Variants in R3HDM2 observed in about 807,000 individuals in gnomAD.
R3HDM2 encodes the protein R3H domain containing 2.
A neutral mutation model predicts 124.5 loss-of-function variants in R3HDM2; 38 were observed. That is an observed-to-expected ratio of 0.31 (90% CI 0.24 to 0.40). The LOEUF is 0.40. Ranked by LOEUF, R3HDM2 falls within the 10% of genes least tolerant of loss-of-function variation. The pLI is 1.00. For synonymous variants in R3HDM2, 391 were observed against 448.0 expected (o/e 0.87, Z 1.61); for missense variants, 869 against 1,236.9 (o/e 0.70, Z 4.46).
intron 14 of R3HDM2, among the ~76,000 whole-genome samples, chr12:57,272,943 G>A (rs1009456496): frequency 2.0e-5 from 3 of 152,072 alleles, no homozygotes; most frequent in Admixed American, 1.3e-4. Flanking sequence ...AATTCCTGGG[G>A]AGCATGATCA....
At chr12:57,378,103 A>C (rs778469216) in intron 2 of R3HDM2, among the ~76,000 whole-genome samples, 5 of 152,184 alleles carry the variant, frequency 3.3e-5, no homozygotes, top group Admixed American at 1.3e-4. Context: ...TGTCTCAACA[A>C]AAAACAAACA....
intron 12 of R3HDM2, among the ~76,000 whole-genome samples, chr12:57,288,173 T>G (rs2138223903): frequency 6.6e-6 from 1 of 151,804 alleles, no homozygotes; most frequent in Admixed American, 6.6e-5. Context: ...GCCTGGCTAA[T>G]TTTTGTATTT....
At chr12:57,371,405 A>T (rs1340694169) in intron 2 of R3HDM2, among the ~76,000 whole-genome samples, 1 of 152,186 alleles carries the variant, frequency 6.6e-6, no homozygotes, top group African/African-American at 2.4e-5. Flanking sequence ...TGCAAAACAG[A>T]AAAGGTAAGA....
intron 1 of R3HDM2, among the ~76,000 whole-genome samples, chr12:57,406,738 C>T (rs1193638839): frequency 1.3e-5 from 2 of 152,150 alleles, no homozygotes; most frequent in East Asian, 3.8e-4. Flanking sequence ...GTATACAACA[C>T]TGCATAAAGC....
At chr12:57,381,738 T>A (rs972257500) in intron 2 of R3HDM2, among the ~76,000 whole-genome samples, 1 of 151,780 alleles carries the variant, frequency 6.6e-6, no homozygotes, top group Admixed American at 6.6e-5. Context: ...CACAGGAAAG[T>A]GAGAATTAGG....
intron 14 of R3HDM2, among the ~76,000 whole-genome samples, chr12:57,279,112 C>G (rs1434120149): frequency 6.6e-6 from 1 of 151,340 alleles, no homozygotes; most frequent in Non-Finnish European, 1.5e-5. Flanking sequence ...TCAAAAAGAG[C>G]TCTATTCGTG....
At chr12:57,393,204 AG>A (rs912967907) in intron 2 of R3HDM2, among the ~76,000 whole-genome samples, 17 of 151,856 alleles carry the variant, frequency 1.1e-4, no homozygotes, top group African/African-American at 3.9e-4. Flanking sequence ...CCCAGTTTCA[AG>A]CAATTCTCCT....
At chr12:57,413,640 G>A (rs568461869) in intron 1 of R3HDM2, among the ~76,000 whole-genome samples, 2 of 151,718 alleles carry the variant, frequency 1.3e-5, no homozygotes, top group South Asian at 4.2e-4. Flanking sequence ...GGAGGCTGAA[G>A]CAGGAGAATC....
At chr12:57,342,081 A>G (rs540128076) in intron 2 of R3HDM2, among the ~76,000 whole-genome samples, 11 of 152,332 alleles carry the variant, frequency 7.2e-5, no homozygotes, top group African/African-American at 2.6e-4. Flanking sequence ...ATCAGCCAAG[A>G]TAGAAAAATA....
At chr12:57,355,239 CGA>C (rs1203698191) in intron 2 of R3HDM2, among the ~76,000 whole-genome samples, 1 of 151,404 alleles carries the variant, frequency 6.6e-6, no homozygotes, top group Non-Finnish European at 1.5e-5. Flanking sequence ...GGGCGGATCA[CGA>C]GGTCAGGAGA....
chr12:57,380,836 C>T (rs1359302503), intron 2 of R3HDM2, among the ~76,000 whole-genome samples: 1 of 152,002 alleles, frequency 6.6e-6, no homozygotes, highest in African/African-American at 2.4e-5. Flanking sequence ...CTATAAATAT[C>T]CTGAAATGCC....
intron 2 of R3HDM2, among the ~76,000 whole-genome samples, chr12:57,388,547 G>C (rs1347286258): frequency 1.3e-5 from 2 of 152,184 alleles, no homozygotes; most frequent in Admixed American, 6.6e-5. Context: ...ATAACACCTT[G>C]TGCAGTACTG....
At chr12:57,295,372 A>G (rs2049551546) in intron 10 of R3HDM2, 27 bp downstream of exon 10, 1 of 1,483,588 alleles carries the variant, frequency 6.7e-7, no homozygotes, top group Non-Finnish European at 9.2e-7. Flanking sequence ...AACTCTCTAT[A>G]TAGGCCCACC....
At chr12:57,278,718 G>A (rs1471619979) in intron 14 of R3HDM2, among the ~76,000 whole-genome samples, 1 of 152,164 alleles carries the variant, frequency 6.6e-6, no homozygotes, top group Non-Finnish European at 1.5e-5. Context: ...GAACAAGAAA[G>A]TTAGGACTAT....
chr12:57,354,085 C>T (rs2137324507), intron 2 of R3HDM2, among the ~76,000 whole-genome samples: 1 of 152,014 alleles, frequency 6.6e-6, no homozygotes, highest in East Asian at 1.9e-4. Flanking sequence ...AACTCCTGAC[C>T]TCTTGAACTC....
chr12:57,327,138 G>A (rs2057411319), intron 2 of R3HDM2, among the ~76,000 whole-genome samples: 1 of 152,150 alleles, frequency 6.6e-6, no homozygotes, highest in African/African-American at 2.4e-5. Context: ...GGATCAAGGA[G>A]TCATTTAGAC....
intron 14 of R3HDM2, 94 bp from the exon 15 acceptor site, chr12:57,270,088 C>T: frequency 6.8e-7 from 1 of 1,463,676 alleles, no homozygotes; most frequent in South Asian, 1.3e-5. Flanking sequence ...ATGCTTTTTA[C>T]AACCTTCTTT....
chr12:57,418,916 A>C (rs1236380472), intron 1 of R3HDM2, among the ~76,000 whole-genome samples: 1 of 151,732 alleles, frequency 6.6e-6, no homozygotes, highest in Non-Finnish European at 1.5e-5. Context: ...CACTCCCTCT[A>C]CTCTAAATCC....
chr12:57,328,826 T>G (rs1433836282), intron 2 of R3HDM2, among the ~76,000 whole-genome samples: 1 of 152,222 alleles, frequency 6.6e-6, no homozygotes, highest in Non-Finnish European at 1.5e-5. Context: ...GATTATTCAT[T>G]ATTAATGTAT....
Sources: allele counts gnomAD v4.1 joint callset (sites outside exome capture counted in the v4.1 genomes callset), GRCh38; gene constraint gnomAD v4.1.1; transcripts MANE v1.5; gene names NCBI Gene and HGNC (gene_info 2026-07-23, HGNC 2026-07-21).